The following CATSPERT variants were observed in gnomAD, a reference collection of about 807,000 sequenced individuals.
CATSPERT encodes the protein cation channel sperm-associated targeting subunit tau.
chr2:201,581,546 G>A, the CATSPERT span, among the ~76,000 whole-genome samples: 3 of 14,722 alleles, frequency 2.0e-4, no homozygotes, highest in Non-Finnish European at 3.5e-4. Context: ...AAAAAAATGT[G>A]TGTATATATA....
the CATSPERT span, among the ~76,000 whole-genome samples, chr2:201,598,363 C>T: frequency 6.6e-6 from 1 of 152,110 alleles, no homozygotes; most frequent in African/African-American, 2.4e-5. Context: ...CTTTGGCCTC[C>T]CAAAATCCTG....
At chr2:201,521,632 T>C in the CATSPERT span, among the ~76,000 whole-genome samples, 2 of 152,094 alleles carry the variant, frequency 1.3e-5, no homozygotes, top group Non-Finnish European at 2.9e-5. Flanking sequence ...ACCATATCAC[T>C]CTTCCTAACT....
chr2:201,593,994 G>A, the CATSPERT span, among the ~76,000 whole-genome samples: 1 of 151,912 alleles, frequency 6.6e-6, no homozygotes, highest in Admixed American at 6.6e-5. Flanking sequence ...GGTTAATATT[G>A]TTATGTGTGA....
chr2:201,535,468 T>A, the CATSPERT span: 14 of 934,426 alleles, frequency 1.5e-5, no homozygotes, highest in African/African-American at 1.8e-5. Context: ...ATAAAATTAT[T>A]TGTAATAAGG....
At chr2:201,596,809 T>C in the CATSPERT span, among the ~76,000 whole-genome samples, 1 of 152,238 alleles carries the variant, frequency 6.6e-6, no homozygotes, top group Admixed American at 6.5e-5. Context: ...TTTTTAGATC[T>C]AGAATTTTTA....
the CATSPERT span, chr2:201,601,949 T>G: frequency 8.2e-7 from 1 of 1,223,426 alleles, no homozygotes. Flanking sequence ...CATTATAAAA[T>G]TAATACATTA....
At chr2:201,579,609 G>C in the CATSPERT span, among the ~76,000 whole-genome samples, 525 of 151,852 alleles carry the variant, frequency 3.5e-3, 4 homozygotes, top group African/African-American at 0.012. Context: ...CAACTTTTTC[G>C]AATCTGTATT....
the CATSPERT span, among the ~76,000 whole-genome samples, chr2:201,515,303 C>T: frequency 7.4e-6 from 1 of 134,804 alleles, no homozygotes; most frequent in East Asian, 2.3e-4. Context: ...GGTGGAATCT[C>T]GGCTCACTGC....
chr2:201,618,092 C>T, the CATSPERT span, among the ~76,000 whole-genome samples: 12 of 152,240 alleles, frequency 7.9e-5, no homozygotes, highest in South Asian at 1.5e-3. Context: ...GAAATAGGAA[C>T]GCTTTTACAC....
chr2:201,602,624 T>G, the CATSPERT span, among the ~76,000 whole-genome samples: 3 of 152,174 alleles, frequency 2.0e-5, no homozygotes, highest in African/African-American at 7.2e-5. Context: ...TCCTTTCATT[T>G]ATATGGTGAT....
chr2:201,547,637 A>G, the CATSPERT span: 2 of 1,255,368 alleles, frequency 1.6e-6, no homozygotes, highest in Non-Finnish European at 2.2e-6. Context: ...GTTATGAATG[A>G]AAAAAGCAAG....
At chr2:201,538,930 G>A in the CATSPERT span, among the ~76,000 whole-genome samples, 4 of 152,054 alleles carry the variant, frequency 2.6e-5, no homozygotes, top group African/African-American at 9.7e-5. Flanking sequence ...TTAGTTTTCT[G>A]TTCCTGCATT....
the CATSPERT span, chr2:201,535,059 C>T: frequency 1.2e-6 from 1 of 838,288 alleles, no homozygotes; most frequent in Non-Finnish European, 1.4e-6. Flanking sequence ...TTACATTTCT[C>T]TCCATTTTCT....
chr2:201,563,148 A>AC, the CATSPERT span, among the ~76,000 whole-genome samples: 1,042 of 45,728 alleles, frequency 0.023, 37 homozygotes, highest in African/African-American at 0.065. Context: ...CGGGGGGCTG[A>AC]CCCCCCACCT....
At chr2:201,529,756 G>A in the CATSPERT span, among the ~76,000 whole-genome samples, 1 of 152,046 alleles carries the variant, frequency 6.6e-6, no homozygotes, top group African/African-American at 2.4e-5. Context: ...AAGACAAATG[G>A]AGTTGCATCA....
the CATSPERT span, chr2:201,493,998 T>C: frequency 2.6e-6 from 4 of 1,536,716 alleles, no homozygotes; most frequent in Non-Finnish European, 3.5e-6. Context: ...TATTTTTAAT[T>C]ACTTGACCAC....
chr2:201,601,625 G>A, the CATSPERT span: 1 of 943,640 alleles, frequency 1.1e-6, no homozygotes, highest in Non-Finnish European at 1.5e-6. Context: ...AAATAAAAAG[G>A]CACTTACTGC....
At chr2:201,524,110 A>T in the CATSPERT span, among the ~76,000 whole-genome samples, 1 of 152,190 alleles carries the variant, frequency 6.6e-6, no homozygotes, top group Admixed American at 6.5e-5. Context: ...CATCCCCAAG[A>T]CATATAGTTA....
At chr2:201,544,309 C>T in the CATSPERT span, among the ~76,000 whole-genome samples, 13 of 152,084 alleles carry the variant, frequency 8.5e-5, no homozygotes, top group Non-Finnish European at 4.4e-5. Context: ...AATAGTGCCG[C>T]AATAAACATA....
Sources: allele counts gnomAD v4.1 joint callset (sites outside exome capture counted in the v4.1 genomes callset), GRCh38; gene constraint gnomAD v4.1.1; transcripts MANE v1.5; gene names NCBI Gene and HGNC (gene_info 2026-07-23, HGNC 2026-07-21).